The following PCOLCE2 variants were observed in gnomAD, a reference collection of about 807,000 sequenced individuals.
PCOLCE2 encodes the protein procollagen C-proteinase enhancer 2.
A neutral mutation model predicts 47.0 loss-of-function variants in PCOLCE2; 42 were observed. That is an observed-to-expected ratio of 0.89 (90% CI 0.70 to 1.16). The LOEUF (loss-of-function observed/expected upper bound fraction) is 1.16. Ranked by LOEUF, PCOLCE2 falls within the 50% of genes most tolerant of loss-of-function variation. PCOLCE2 has a pLI of 0.00. For missense variants in PCOLCE2, 500 were observed against 526.1 expected, an observed-to-expected ratio of 0.95 and a Z score of 0.49; for synonymous variants, 169 against 191.7, an observed-to-expected ratio of 0.88 and a Z score of 0.98.
Position 142,818,232 on chromosome 3 carries a change from C to T in PCOLCE2, c.*103G>A, listed in dbSNP as rs1936972408. 7 of 1,153,530 alleles carry T rather than the reference C, an allele frequency of 6.1e-6. No homozygotes were observed. The South Asian group carries it at 1.0e-4, about 16-fold the overall frequency. 71.5% of individuals were successfully genotyped at this position (1,153,530 alleles called of 1,614,324 possible). A position where few individuals can be genotyped will look rare whatever the true frequency, so the allele number is the denominator to read the frequency against. On this transcript the variant is annotated 3_prime_UTR_variant, in exon 9 of 9. Transcript: ENST00000295992. ...AACCAGTCCCATCTTTCGGAATCCT[C>T]TTTCAGAATATGTAATTTTATAAGT...
rs557933140 is a variant in PCOLCE2, at chr3:142,868,484, A to G, written c.192+19185T>C. Among the ~76,000 whole-genome samples, 20 of 152,240 alleles carry G rather than the reference A, an allele frequency of 1.3e-4. No individual in the cohort carries two copies. The South Asian group carries it at 2.9e-3, about 22-fold the overall frequency. On this transcript the variant is annotated intron_variant, in intron 2 of 8. Transcript: ENST00000295992. ...ACTTTTAAACTTAACTTCCTCGTAA[A>G]GCAACCTTTTGGGATTACCTGCTCC...
chr3:142,827,555 C>T, intron 6 of PCOLCE2: 1 of 1,475,212 alleles, frequency 6.8e-7, no homozygotes, highest in Non-Finnish European at 9.5e-7. Flanking sequence ...AGGCATGGTG[C>T]CCACAGGGAG....
intron 6 of PCOLCE2, chr3:142,827,293 C>T (rs1937091974): frequency 2.3e-6 from 3 of 1,332,036 alleles, no homozygotes; most frequent in Non-Finnish European, 1.1e-6. Context: ...ACCAGTTCCT[C>T]TTTGCCTTAT....
chr3:142,855,412 C>T (rs1470917646), intron 2 of PCOLCE2, among the ~76,000 whole-genome samples: 1 of 152,108 alleles, frequency 6.6e-6, no homozygotes, highest in African/African-American at 2.4e-5. Context: ...CTCACAAGTA[C>T]AGGGCAAGTA....
chr3:142,821,032 A>T lies in PCOLCE2; in HGVS notation c.963T>A (p.Thr321=). The change falls in exon 8 of 9, where the codon ACT becomes ACA. Residue 321 remains threonine, a synonymous_variant. Transcript: ENST00000295992. ...YCSSDFVLAG[T]VITTITRDGS... ...CATCGCGAGTGATGGTTGTGATAAC[A>T]GTGCCGGCTAATACTGCAGAAGAAA... 6.2e-7 allele frequency: 1 copy of T among 1,608,826 alleles called. No individual in the cohort carries two copies. The highest frequency in any genetic ancestry group is 8.5e-7 in the Non-Finnish European group (1 of 1,175,506).
chr3:142,840,519 C>A (rs1276061754), intron 4 of PCOLCE2, among the ~76,000 whole-genome samples: 1 of 152,090 alleles, frequency 6.6e-6, no homozygotes, highest in African/African-American at 2.4e-5. Flanking sequence ...ACACAGTAAT[C>A]CAGGTGAAGA....
At chr3:142,863,096 C>G (rs1255042172) in intron 2 of PCOLCE2, among the ~76,000 whole-genome samples, 8 of 85,976 alleles carry the variant, frequency 9.3e-5, no homozygotes, top group East Asian at 3.5e-4. Flanking sequence ...GTCTGGCAGG[C>G]AAAAAAAAAA....
At chr3:142,874,020 T>A (rs756233897) in intron 2 of PCOLCE2, among the ~76,000 whole-genome samples, 1 of 152,182 alleles carries the variant, frequency 6.6e-6, no homozygotes, top group Non-Finnish European at 1.5e-5. Context: ...ATGGGGGCGG[T>A]TCCCCCATGC....
At chr3:142,825,470 G>A (rs1000731801) in intron 6 of PCOLCE2, among the ~76,000 whole-genome samples, 1 of 152,036 alleles carries the variant, frequency 6.6e-6, no homozygotes, top group Non-Finnish European at 1.5e-5. Context: ...GTCTGATCCC[G>A]CAGTCCCCGT....
intron 2 of PCOLCE2, among the ~76,000 whole-genome samples, chr3:142,875,985 C>G (rs1933487232): frequency 6.6e-6 from 1 of 152,180 alleles, no homozygotes; most frequent in Admixed American, 6.5e-5. Flanking sequence ...GGGCAAGAAG[C>G]CTCAGAGATA....
At chr3:142,874,590 A>G (rs1933462492) in intron 2 of PCOLCE2, among the ~76,000 whole-genome samples, 3 of 152,164 alleles carry the variant, frequency 2.0e-5, no homozygotes, top group Non-Finnish European at 4.4e-5. Flanking sequence ...ATCTCCTTTT[A>G]CCAGAAATCT....
Position 142,829,757 on chromosome 3 carries a change from A to T in PCOLCE2, c.800T>A (p.Phe267Tyr). The T allele has an allele frequency of 6.2e-7, 1 of 1,611,710 alleles. No individual in the cohort carries two copies. The change falls in exon 6 of 9, where the codon TTC becomes TAC. Residue 267 changes from phenylalanine (F) to tyrosine (Y), a missense_variant. Coordinates refer to ENST00000295992, the MANE Select transcript of PCOLCE2 (RefSeq NM_013363.4). ...AGTTGTAGGCAGTTTTTTTGGCCTG[A>T]ATATGTAGTGACCAATAAACCCATC... ...TADGFIGHYI[F>Y]RPKKLPTTTE...
At chr3:142,830,862 T>C (rs73232731) in intron 5 of PCOLCE2, among the ~76,000 whole-genome samples, 271 of 152,368 alleles carry the variant, frequency 1.8e-3, no homozygotes, top group Non-Finnish European at 3.1e-3. Context: ...AACACCTTTT[T>C]GAGACATCTT....
chr3:142,877,163 A>G (rs1252504459), intron 2 of PCOLCE2, among the ~76,000 whole-genome samples: 1 of 152,212 alleles, frequency 6.6e-6, no homozygotes, highest in Non-Finnish European at 1.5e-5. Flanking sequence ...ATTATTTGCA[A>G]TTTTTAACTG....
intron 5 of PCOLCE2, among the ~76,000 whole-genome samples, chr3:142,834,533 T>C (rs1430476302): frequency 6.6e-6 from 1 of 152,212 alleles, no homozygotes; most frequent in Non-Finnish European, 1.5e-5. Context: ...ATGTAAACTT[T>C]TAAGTTCAAA....
chr3:142,879,698 G>A (rs774420266), intron 2 of PCOLCE2, among the ~76,000 whole-genome samples: 19 of 152,154 alleles, frequency 1.2e-4, no homozygotes, highest in Non-Finnish European at 2.1e-4. Context: ...GGCCGGGCAC[G>A]GTGGCTCACG....
intron 2 of PCOLCE2, among the ~76,000 whole-genome samples, chr3:142,878,014 T>C (rs1402979391): frequency 2.0e-5 from 3 of 152,214 alleles, no homozygotes; most frequent in Non-Finnish European, 4.4e-5. Flanking sequence ...CAAACCCTTA[T>C]CATTCATTTC....
At chr3:142,854,864 T>G (rs1393900648) in intron 2 of PCOLCE2, among the ~76,000 whole-genome samples, 2 of 150,614 alleles carry the variant, frequency 1.3e-5, no homozygotes, top group African/African-American at 5.0e-5. Context: ...GAAGTTGATA[T>G]TATTATTGGC....
intron 2 of PCOLCE2, among the ~76,000 whole-genome samples, chr3:142,863,405 T>C (rs1477688552): frequency 6.6e-6 from 1 of 152,246 alleles, no homozygotes; most frequent in Middle Eastern, 3.2e-3. Context: ...GAGCTGAATG[T>C]TGCAATATCA....
Sources: gnomAD v4.1 joint callset for allele counts (sites outside exome capture counted in the v4.1 genomes callset) on GRCh38, gnomAD v4.1.1 for gene constraint, MANE v1.5 for transcripts, NCBI Gene and HGNC (gene_info 2026-07-23, HGNC 2026-07-21) for gene names.